The following DISC1 variants were observed in gnomAD, a reference collection of about 807,000 sequenced individuals.
The protein encoded by DISC1 is disrupted in schizophrenia 1 protein.
In DISC1, 57 loss-of-function variants were observed where a neutral mutation model predicts 84.5. The ratio of observed to expected loss-of-function variants is 0.67; its 90% CI spans 0.55 to 0.84. The LOEUF (loss-of-function observed/expected upper bound fraction) is 0.84, where lower values mean the gene tolerates loss of function less well. Ranked by LOEUF, DISC1 falls within the 40% of genes least tolerant of loss-of-function variation. The pLI is 0.00. For synonymous variants in DISC1, 411 were observed against 415.2 expected (o/e 0.99, Z 0.12); for missense variants, 1,000 against 1,057.8 (o/e 0.95, Z 0.76).
rs190066207 is a variant in DISC1, at chr1:231,637,713, A to G, written c.67+10779A>G. On this transcript the variant is annotated intron_variant, in intron 1 of 12. Transcript: ENST00000439617. Reference sequence around the variant, plus strand: ...CTGAATAGTTTTCCCTTTTGTATGTATACCGTATTTTCTTTATCCAGTTCT... The same window carrying G: ...CTGAATAGTTTTCCCTTTTGTATGTGTACCGTATTTTCTTTATCCAGTTCT... 3.6e-3 allele frequency among the ~76,000 whole-genome samples: 541 copies of G among 152,284 alleles called. 4 individuals are homozygous for G. Among genetic ancestry groups the G allele is most frequent in the African/African-American group, 0.013 (522 of 41,552 alleles).
intron 9 of DISC1, among the ~76,000 whole-genome samples, chr1:231,893,602 T>C (rs927125914): frequency 3.9e-5 from 6 of 152,176 alleles, no homozygotes; most frequent in African/African-American, 1.4e-4. Context: ...TTGGGTCAGA[T>C]CTACTTTGAG....
intron 6 of DISC1, among the ~76,000 whole-genome samples, chr1:231,787,245 A>C (rs2077950757): frequency 1.3e-5 from 2 of 152,178 alleles, no homozygotes; most frequent in African/African-American, 4.8e-5. Flanking sequence ...TTGTTACTAC[A>C]GACTGAGTAA....
At chr1:231,697,146 C>T (rs564159654) in intron 2 of DISC1, among the ~76,000 whole-genome samples, 18 of 152,270 alleles carry the variant, frequency 1.2e-4, no homozygotes, top group African/African-American at 3.6e-4. Context: ...ACTGGGGTTG[C>T]GGCTGAGGCC....
At chr1:232,034,159 C>A (rs903323224) in intron 12 of DISC1, among the ~76,000 whole-genome samples, 3 of 152,270 alleles carry the variant, frequency 2.0e-5, no homozygotes, top group African/African-American at 7.2e-5. Flanking sequence ...ATTATTACCC[C>A]TACAGGCTCA....
At chr1:231,945,662 A>G (rs990879309) in intron 9 of DISC1, among the ~76,000 whole-genome samples, 1 of 152,228 alleles carries the variant, frequency 6.6e-6, no homozygotes, top group African/African-American at 2.4e-5. Context: ...CAAAAAATCA[A>G]TGAATCCAGG....
At chr1:231,923,918 G>C (rs2090170647) in intron 9 of DISC1, among the ~76,000 whole-genome samples, 1 of 152,186 alleles carries the variant, frequency 6.6e-6, no homozygotes, top group African/African-American at 2.4e-5. Flanking sequence ...GAGGAGGCGT[G>C]ATGGGAGCTT....
intron 9 of DISC1, among the ~76,000 whole-genome samples, chr1:231,827,528 CT>C (rs1194208935): frequency 6.6e-6 from 1 of 152,138 alleles, no homozygotes; most frequent in Non-Finnish European, 1.5e-5. Flanking sequence ...TAGCTGTGTA[CT>C]TTTTCTTTGA....
chr1:231,725,101 G>A (rs1019355448), intron 3 of DISC1, among the ~76,000 whole-genome samples: 2 of 151,978 alleles, frequency 1.3e-5, no homozygotes, highest in African/African-American at 4.8e-5. Context: ...GTGGAAGCAG[G>A]GAGGGGGAGT....
intron 3 of DISC1, 154 bp downstream of exon 3, chr1:231,702,178 T>C: frequency 5.7e-6 from 8 of 1,404,236 alleles, no homozygotes; most frequent in Non-Finnish European, 7.4e-6. Context: ...TACAGCATTA[T>C]TGTTTTGTAG....
At chr1:231,859,200 G>A (rs201024855) in intron 9 of DISC1, among the ~76,000 whole-genome samples, 18 of 152,182 alleles carry the variant, frequency 1.2e-4, no homozygotes, top group Non-Finnish European at 2.4e-4. Flanking sequence ...ATTTTCACTT[G>A]TTTCTTCATT....
chr1:231,914,576 G>C (rs1022187292), intron 9 of DISC1, among the ~76,000 whole-genome samples: 4 of 152,146 alleles, frequency 2.6e-5, no homozygotes, highest in Non-Finnish European at 4.4e-5. Context: ...CCCACCACAG[G>C]AAGAAATATT....
intron 3 of DISC1, among the ~76,000 whole-genome samples, chr1:231,704,711 G>T (rs2066824547): frequency 1.5e-5 from 2 of 136,936 alleles, no homozygotes; most frequent in African/African-American, 2.8e-5. Context: ...AGTGAGCCGA[G>T]ATGGCGCCAC....
chr1:231,671,106 T>C (rs11122318), intron 1 of DISC1, among the ~76,000 whole-genome samples: 44,350 of 152,038 alleles, frequency 0.29, 7,670 homozygotes, highest in East Asian at 0.59. Flanking sequence ...TTCATTCTTT[T>C]TTCTTTGGAT....
At chr1:231,888,018 C>A (rs974716164) in intron 9 of DISC1, among the ~76,000 whole-genome samples, 1 of 152,188 alleles carries the variant, frequency 6.6e-6, no homozygotes, top group Admixed American at 6.5e-5. Flanking sequence ...CAGAAGAATG[C>A]CCACAGTATG....
At chr1:231,993,008 A>G (rs898623453) in intron 10 of DISC1, among the ~76,000 whole-genome samples, 1 of 152,122 alleles carries the variant, frequency 6.6e-6, no homozygotes, top group Non-Finnish European at 1.5e-5. Context: ...GAATGTAACA[A>G]CTCTCTTGAG....
At chr1:231,754,582 T>C (rs1282777101) in intron 4 of DISC1, among the ~76,000 whole-genome samples, 1 of 152,104 alleles carries the variant, frequency 6.6e-6, no homozygotes, top group African/African-American at 2.4e-5. Context: ...CCTCCAACAT[T>C]GGGGATTACA....
intron 5 of DISC1, among the ~76,000 whole-genome samples, chr1:231,768,309 C>T (rs1016000313): frequency 6.6e-6 from 1 of 152,168 alleles, no homozygotes; most frequent in African/African-American, 2.4e-5. Context: ...GGCTTCCCAT[C>T]TCTGATCTGG....
chr1:231,870,544 C>T (rs1259177998), intron 9 of DISC1, among the ~76,000 whole-genome samples: 5 of 152,242 alleles, frequency 3.3e-5, no homozygotes, highest in African/African-American at 4.8e-5. Flanking sequence ...TGTGGGAAGG[C>T]GGCTGGAGCA....
chr1:231,783,878 G>A (rs756881697), intron 6 of DISC1, among the ~76,000 whole-genome samples: 1 of 152,108 alleles, frequency 6.6e-6, no homozygotes, highest in Non-Finnish European at 1.5e-5. Context: ...AAATCCTTAC[G>A]TTCATTTTTT....
Sources: allele counts gnomAD v4.1 joint callset (sites outside exome capture counted in the v4.1 genomes callset), GRCh38; gene constraint gnomAD v4.1.1; transcripts MANE v1.5; gene names NCBI Gene and HGNC (gene_info 2026-07-23, HGNC 2026-07-21).